Variants in SDK1 observed in about 807,000 individuals in gnomAD.
SDK1 encodes sidekick cell adhesion molecule 1.
Under a neutral mutation model 245.5 loss-of-function variants are expected in SDK1, and 157 were observed. That is an observed-to-expected ratio of 0.64 (90% CI 0.56 to 0.73). SDK1 has a LOEUF of 0.73. Among genes scored for constraint, SDK1 ranks in the 30% least tolerant of loss-of-function variants. The probability of loss-of-function intolerance (pLI) is 0.00; values close to 1 mark genes in which losing one functional copy is unlikely to be tolerated. For synonymous variants in SDK1, 1,647 were observed against 1,278.5 expected, an observed-to-expected ratio of 1.29 and a Z score of -6.15; for missense variants, 3,583 against 3,002.3, an observed-to-expected ratio of 1.19 and a Z score of -4.52.
At chr7:3,510,706 A>G (rs2128611406) in intron 1 of SDK1, among the ~76,000 whole-genome samples, 1 of 152,234 alleles carries the variant, frequency 6.6e-6, no homozygotes, top group East Asian at 1.9e-4. Context: ...CCTCAGAGAT[A>G]GCAGTTCTCA....
chr7:3,729,178 C>A (rs969119718), intron 4 of SDK1, among the ~76,000 whole-genome samples: 2 of 152,152 alleles, frequency 1.3e-5, no homozygotes, highest in Non-Finnish European at 2.9e-5. Flanking sequence ...GATGTAAGAT[C>A]TAATGAAATT....
intron 13 of SDK1, among the ~76,000 whole-genome samples, chr7:3,986,738 A>G (rs1026244728): frequency 1.3e-4 from 20 of 152,258 alleles, no homozygotes; most frequent in African/African-American, 4.1e-4. Context: ...GCAGGCGCCT[A>G]TAATCCCACC....
intron 4 of SDK1, among the ~76,000 whole-genome samples, chr7:3,737,099 T>C (rs1302031459): frequency 1.3e-5 from 2 of 152,254 alleles, no homozygotes; most frequent in African/African-American, 4.8e-5. Context: ...GGGATGTCTT[T>C]CTTTCCTTAT....
At chr7:3,651,887 A>G (rs1027868251) in intron 4 of SDK1, among the ~76,000 whole-genome samples, 3 of 152,190 alleles carry the variant, frequency 2.0e-5, no homozygotes, top group African/African-American at 4.8e-5. Flanking sequence ...AACTGCTGCC[A>G]TGGAGTTCCG....
intron 1 of SDK1, among the ~76,000 whole-genome samples, chr7:3,404,929 A>G (rs910932687): frequency 7.2e-5 from 11 of 152,158 alleles, no homozygotes; most frequent in Admixed American, 3.3e-4. Flanking sequence ...GTAAGTGAAA[A>G]TATTCAAATG....
intron 1 of SDK1, among the ~76,000 whole-genome samples, chr7:3,605,043 A>G (rs1781376594): frequency 6.6e-6 from 1 of 151,932 alleles, no homozygotes; most frequent in African/African-American, 2.4e-5. Context: ...TACACTCTGT[A>G]TAAATTTAGT....
At chr7:3,542,115 C>T (rs779634203) in intron 1 of SDK1, among the ~76,000 whole-genome samples, 20 of 152,096 alleles carry the variant, frequency 1.3e-4, no homozygotes, top group Non-Finnish European at 8.8e-5. Context: ...ATTTAATTGT[C>T]GATAAGTCAT....
intron 4 of SDK1, among the ~76,000 whole-genome samples, chr7:3,747,039 T>C (rs1779645348): frequency 6.6e-6 from 1 of 152,248 alleles, no homozygotes; most frequent in African/African-American, 2.4e-5. Context: ...TACTCCTTGA[T>C]TCATAGGCTG....
chr7:4,170,319 G>A (rs1003647519), intron 32 of SDK1, among the ~76,000 whole-genome samples: 1 of 152,026 alleles, frequency 6.6e-6, no homozygotes, highest in African/African-American at 2.4e-5. Context: ...TGGTGGTGCA[G>A]GTCTGTAGTC....
intron 44 of SDK1, among the ~76,000 whole-genome samples, chr7:4,254,513 C>T (rs1394633964): frequency 2.6e-5 from 4 of 152,086 alleles, no homozygotes; most frequent in African/African-American, 9.7e-5. Context: ...CAATTGTCAT[C>T]ATACCTTTAA....
rs1554335225 is a variant in SDK1 at position 4,083,743 on chromosome 7, T to TCCC, written c.3324+4159_3324+4160insCCC. Among the ~76,000 whole-genome samples the TCCC allele has an allele frequency of 7.4e-3, 7 of 946 alleles. 1 individual carries two copies. Among genetic ancestry groups the TCCC allele is most frequent in the East Asian group, 0.048 (2 of 42 alleles). 0.6% of individuals were successfully genotyped at this position (946 alleles called of 152,430 possible). A position where few individuals can be genotyped will look rare whatever the true frequency, so the allele number is the denominator to read the frequency against. On this transcript the variant is annotated intron_variant, in intron 22 of 44. Coordinates refer to ENST00000404826, the MANE Select transcript of SDK1 (RefSeq NM_152744.4). ...CTTCTTTACTTCCTCCATCCCTCCC[T>TCCC]TCCTTTACTTCCTGTCTCCCTCCCT... is the stretch of plus-strand genomic sequence containing the variant.
At chr7:3,755,231 G>A (rs981336173) in intron 4 of SDK1, among the ~76,000 whole-genome samples, 1 of 152,176 alleles carries the variant, frequency 6.6e-6, no homozygotes, top group Non-Finnish European at 1.5e-5. Context: ...GGGGCGTGTT[G>A]TGTGGTTGGT....
At chr7:3,799,746 G>A (rs1178997197) in intron 4 of SDK1, among the ~76,000 whole-genome samples, 1 of 147,220 alleles carries the variant, frequency 6.8e-6, no homozygotes, top group African/African-American at 2.5e-5. Flanking sequence ...TCCTAAAATT[G>A]CCATACTGGG....
intron 20 of SDK1, among the ~76,000 whole-genome samples, chr7:4,070,071 C>G (rs1240992570): frequency 1.3e-5 from 2 of 152,222 alleles, no homozygotes; most frequent in Non-Finnish European, 2.9e-5. Context: ...CCTGACGGTT[C>G]TGTTTATTAA....
At chr7:4,110,549 G>A (rs1036481769) in intron 22 of SDK1, 114 bp from the exon 23 acceptor site, 6 of 713,886 alleles carry the variant, frequency 8.4e-6, no homozygotes, top group African/African-American at 6.9e-5. Flanking sequence ...CCAGGTGTGG[G>A]GACGCCTTGC....
chr7:3,551,360 A>T (rs1019802106), intron 1 of SDK1, among the ~76,000 whole-genome samples: 1 of 152,166 alleles, frequency 6.6e-6, no homozygotes, highest in Admixed American at 6.5e-5. Flanking sequence ...ATGTTATACG[A>T]TATGCCAAGA....
At chr7:3,657,360 G>A (rs1016671087) in intron 4 of SDK1, among the ~76,000 whole-genome samples, 1 of 152,174 alleles carries the variant, frequency 6.6e-6, no homozygotes, top group African/African-American at 2.4e-5. Context: ...TTCCCTCTTT[G>A]TGGAAAGGGA....
intron 1 of SDK1, among the ~76,000 whole-genome samples, chr7:3,511,086 G>A (rs892046655): frequency 3.9e-5 from 6 of 152,158 alleles, no homozygotes; most frequent in African/African-American, 1.4e-4. Flanking sequence ...GGTGGCAGGG[G>A]CATCTTTGAG....
intron 5 of SDK1, among the ~76,000 whole-genome samples, chr7:3,896,927 C>A (rs1336673221): frequency 6.6e-6 from 1 of 152,170 alleles, no homozygotes; most frequent in Non-Finnish European, 1.5e-5. Context: ...CACAGTCCTG[C>A]ATGGCTGGGG....
Sources: allele counts gnomAD v4.1 joint callset (sites outside exome capture counted in the v4.1 genomes callset), GRCh38; gene constraint gnomAD v4.1.1; transcripts MANE v1.5; gene names NCBI Gene and HGNC (gene_info 2026-07-23, HGNC 2026-07-21).